TBC1D8: variants seen among roughly 807,000 people sequenced by gnomAD.
TBC1D8 encodes the protein TBC1 domain family member 8.
In TBC1D8, 65 loss-of-function variants were observed where a neutral mutation model predicts 118.8. That is an observed-to-expected ratio of 0.55 (90% CI 0.45 to 0.67). The LOEUF is 0.67. Among genes scored for constraint, TBC1D8 ranks in the 30% least tolerant of loss-of-function variants. The pLI is 0.00. For synonymous variants in TBC1D8, 566 were observed against 595.8 expected, an observed-to-expected ratio of 0.95 and a Z score of 0.73; for missense variants, 1,376 against 1,471.2, an observed-to-expected ratio of 0.94 and a Z score of 1.06.
At chr2:101,092,931 C>T (rs1019039085) in intron 1 of TBC1D8, among the ~76,000 whole-genome samples, 3 of 152,104 alleles carry the variant, frequency 2.0e-5, no homozygotes, top group Admixed American at 6.5e-5. Flanking sequence ...TTGAACAACA[C>T]GGGTTTGAAC....
At chr2:101,025,679 A>G (rs986756202) in intron 15 of TBC1D8, among the ~76,000 whole-genome samples, 10 of 152,234 alleles carry the variant, frequency 6.6e-5, no homozygotes, top group Admixed American at 6.5e-4. Flanking sequence ...AGGAAGCAAA[A>G]TAACACTGAA....
intron 11 of TBC1D8, among the ~76,000 whole-genome samples, chr2:101,030,551 A>G (rs1481583164): frequency 6.6e-6 from 1 of 152,222 alleles, no homozygotes; most frequent in African/African-American, 2.4e-5. Flanking sequence ...TTCTCCTACA[A>G]TGCTGGTATG....
chr2:101,053,543 C>T (rs922833199), intron 4 of TBC1D8, among the ~76,000 whole-genome samples: 1 of 152,228 alleles, frequency 6.6e-6, no homozygotes, highest in Non-Finnish European at 1.5e-5. Context: ...GTGGGAATGA[C>T]TTTTTAAACA....
At chr2:101,027,914 C>T in intron 14 of TBC1D8, 134 bp downstream of exon 14, 2 of 778,388 alleles carry the variant, frequency 2.6e-6, no homozygotes, top group Non-Finnish European at 4.3e-6. Context: ...CTACTTCACC[C>T]TTAAGTTGTT....
intron 1 of TBC1D8, among the ~76,000 whole-genome samples, chr2:101,097,556 T>TA (rs1676547629): frequency 1.8e-5 from 2 of 111,814 alleles, no homozygotes; most frequent in Admixed American, 2.0e-4. Context: ...ACTCTGTTAT[T>TA]TAAAAAAAAA....
rs186621310 is a variant in TBC1D8, at chr2:101,007,764, A to C, written c.*57T>G. On this transcript the variant is annotated 3_prime_UTR_variant, in exon 20 of 20. Coordinates refer to ENST00000409318, the MANE Select transcript of TBC1D8 (RefSeq NM_001330348.2). ...CGGTTTAGGGCTGACCCCAAGAAAC[A>C]GTCTGGTTCGTGCTTTGGTATGGTG... 1 of 1,542,226 alleles carries C rather than the reference A, an allele frequency of 6.5e-7. No homozygotes were observed. The highest frequency in any genetic ancestry group is 1.4e-5 in the African/African-American group (1 of 73,290).
chr2:101,123,933 T>C (rs975754707), intron 1 of TBC1D8, among the ~76,000 whole-genome samples: 6 of 152,146 alleles, frequency 3.9e-5, no homozygotes, highest in Admixed American at 2.0e-4. Flanking sequence ...TTTAGAGTAA[T>C]GAAACTCACC....
intron 9 of TBC1D8, among the ~76,000 whole-genome samples, chr2:101,035,207 G>A (rs934117244): frequency 6.6e-6 from 1 of 152,112 alleles, no homozygotes; most frequent in Non-Finnish European, 1.5e-5. Flanking sequence ...GGGTCATCTG[G>A]GGAAGGGACC....
intron 13 of TBC1D8, 28 bp from the exon 14 acceptor site, chr2:101,028,174 C>T: frequency 6.2e-7 from 1 of 1,612,486 alleles, no homozygotes; most frequent in Non-Finnish European, 8.5e-7. Context: ...ACCACTTGCT[C>T]AGTCCCCTGC....
chr2:101,045,876 C>G (rs113313551), intron 5 of TBC1D8, among the ~76,000 whole-genome samples: 15,619 of 152,096 alleles, frequency 0.1, 1,036 homozygotes, highest in Non-Finnish European at 0.15. Context: ...ACCTATAATC[C>G]CAGCTACACA....
At chr2:101,099,234 CCACA>C (rs1293475085) in intron 1 of TBC1D8, among the ~76,000 whole-genome samples, 2 of 152,152 alleles carry the variant, frequency 1.3e-5, no homozygotes, top group African/African-American at 2.4e-5. Flanking sequence ...ATAAATAGTT[CCACA>C]CAAATAAACT....
chr2:101,012,272 T>G (rs531408277), intron 17 of TBC1D8, among the ~76,000 whole-genome samples: 8 of 152,348 alleles, frequency 5.3e-5, no homozygotes, highest in African/African-American at 1.7e-4. Context: ...CACAGTAGTA[T>G]TGTTCATAGT....
intron 3 of TBC1D8, among the ~76,000 whole-genome samples, chr2:101,056,406 G>A (rs2121365): frequency 0.64 from 97,077 of 151,602 alleles, 31,684 homozygotes; most frequent in Middle Eastern, 0.8. Context: ...GTTTCACCGT[G>A]TTAGCCAGGA....
At position 101,007,757 on chromosome 2, in the gene TBC1D8, A is replaced by AAGAAACAGTCTGGTTCGTGCTTTGGT; in HGVS notation, c.*38_*63dup. 13 of 1,529,072 alleles carry AAGAAACAGTCTGGTTCGTGCTTTGGT rather than the reference A, an allele frequency of 8.5e-6. No individual in the cohort carries two copies. Among genetic ancestry groups the AAGAAACAGTCTGGTTCGTGCTTTGGT allele is most frequent in the Non-Finnish European group, 1.2e-5 (13 of 1,122,868 alleles). 94.7% of individuals were successfully genotyped at this position (1,529,072 alleles called of 1,614,324 possible). The stretch of plus-strand genomic sequence containing the variant: ...GAAATCTCGGTTTAGGGCTGACCCC[A>AAGAAACAGTCTGGTTCGTGCTTTGGT]AGAAACAGTCTGGTTCGTGCTTTGG... On this transcript the variant is annotated 3_prime_UTR_variant, in exon 20 of 20. Transcript: ENST00000409318.
intron 1 of TBC1D8, among the ~76,000 whole-genome samples, chr2:101,112,280 T>C (rs1349325121): frequency 1.3e-5 from 2 of 152,214 alleles, no homozygotes; most frequent in Non-Finnish European, 2.9e-5. Context: ...TCACACTTGT[T>C]GCTGTGGCTT....
At chr2:101,093,713 T>C (rs1372919434) in intron 1 of TBC1D8, among the ~76,000 whole-genome samples, 1 of 150,790 alleles carries the variant, frequency 6.6e-6, no homozygotes, top group Admixed American at 6.6e-5. Flanking sequence ...AGACTCCATC[T>C]CAGGGAAAAA....
intron 2 of TBC1D8, among the ~76,000 whole-genome samples, chr2:101,087,802 A>AGAT (rs1225429442): frequency 6.6e-6 from 1 of 152,200 alleles, no homozygotes. Context: ...TTTAAATGAG[A>AGAT]GATTGGGAAA....
At chr2:101,136,835 T>A (rs536415218) in intron 1 of TBC1D8, among the ~76,000 whole-genome samples, 2 of 152,300 alleles carry the variant, frequency 1.3e-5, no homozygotes, top group Non-Finnish European at 2.9e-5. Context: ...TTAATTATAA[T>A]AACAAAACAG....
At chr2:101,094,844 T>C (rs942453325) in intron 1 of TBC1D8, among the ~76,000 whole-genome samples, 2 of 152,148 alleles carry the variant, frequency 1.3e-5, no homozygotes, top group Non-Finnish European at 2.9e-5. Context: ...TGAAAAGCCA[T>C]GATTTTTCTC....
Sources: gnomAD v4.1 joint callset for allele counts (sites outside exome capture counted in the v4.1 genomes callset) on GRCh38, gnomAD v4.1.1 for gene constraint, MANE v1.5 for transcripts, NCBI Gene and HGNC (gene_info 2026-07-23, HGNC 2026-07-21) for gene names.